SKI: variants seen among roughly 807,000 people sequenced by gnomAD.
The protein encoded by SKI is SKI proto-oncogene.
In SKI, 23 loss-of-function variants were observed where a neutral mutation model predicts 59.3. The ratio of observed to expected loss-of-function variants is 0.39; its 90% CI spans 0.28 to 0.55. The LOEUF (loss-of-function observed/expected upper bound fraction) is 0.55. Among genes scored for constraint, SKI ranks in the 20% least tolerant of loss-of-function variants. The probability of loss-of-function intolerance (pLI) is 0.67; values close to 1 mark genes in which losing one functional copy is unlikely to be tolerated. For synonymous variants in SKI, 673 were observed against 488.6 expected (o/e 1.38, Z -4.98); for missense variants, 1,017 against 1,038.9 (o/e 0.98, Z 0.29).
At chr1:2,305,123 C>T (rs921811204) in intron 5 of SKI, among the ~76,000 whole-genome samples, 9 of 152,194 alleles carry the variant, frequency 5.9e-5, no homozygotes, top group Non-Finnish European at 1.0e-4. Flanking sequence ...GGAGAGGGCT[C>T]GGCCCGCACA....
chr1:2,305,878 G>T, intron 5 of SKI, 142 bp from the exon 6 acceptor site: 1 of 734,724 alleles, frequency 1.4e-6, no homozygotes, highest in Non-Finnish European at 2.4e-6. Context: ...ACACGGGTTG[G>T]GCTGATGGCG....
intron 1 of SKI, among the ~76,000 whole-genome samples, chr1:2,295,687 C>T (rs1640268280): frequency 6.6e-6 from 1 of 152,014 alleles, no homozygotes; most frequent in African/African-American, 2.4e-5. Context: ...GTCCGGGTCA[C>T]ACGTGACTGT....
intron 1 of SKI, among the ~76,000 whole-genome samples, chr1:2,277,162 A>G (rs1197734344): frequency 6.6e-6 from 1 of 151,986 alleles, no homozygotes; most frequent in East Asian, 1.9e-4. Context: ...TTCTTTGGAG[A>G]TGGAGTCTCA....
At position 2,303,513 on chromosome 1, in the gene SKI, T is replaced by C; in HGVS notation, c.1211+113T>C. On this transcript the variant is annotated intron_variant, in intron 3 of 6. Transcript: ENST00000378536. This position sits in a 1 kb window ranked among gnomAD's most constrained non-coding sequence, Gnocchi z 5.6. ...CTGGGTGCCCAGACCTGCCGCCTTT[T>C]GGTCAGGGCAGTCTCGGTGTTGGTT... 5.3e-6 allele frequency: 5 copies of C among 943,700 alleles called. No homozygotes were observed. Among genetic ancestry groups the C allele is most frequent in the Non-Finnish European group, 8.2e-6 (5 of 609,058 alleles). The allele number at this position is 943,700 out of a possible 1,614,324, so 58.5% of individuals were successfully genotyped here. A position where few individuals can be genotyped will look rare whatever the true frequency, so the allele number is the denominator to read the frequency against.
intron 1 of SKI, among the ~76,000 whole-genome samples, chr1:2,230,949 GC>G (rs1449310583): frequency 1.3e-5 from 2 of 152,196 alleles, no homozygotes; most frequent in Non-Finnish European, 2.9e-5. Flanking sequence ...CTCGGAGGGG[GC>G]TGCGGAGGGT....
intron 1 of SKI, among the ~76,000 whole-genome samples, chr1:2,264,410 A>C (rs551261210): frequency 1.3e-5 from 2 of 152,074 alleles, no homozygotes; most frequent in South Asian, 4.2e-4. Flanking sequence ...TTGGGATTAC[A>C]GGCACCCGCC....
rs1433471561 is a variant in SKI at position 2,309,374 on chromosome 1, C to T, written c.*2609C>T. ...AGGGAAAAACAACAGCAATAACATT[C>T]ATATCTCTGGAGCAGCTAACTCATA... On this transcript the variant is annotated 3_prime_UTR_variant, in exon 7 of 7. Coordinates refer to ENST00000378536, the MANE Select transcript of SKI (RefSeq NM_003036.4). 1 of 152,058 alleles carries T rather than the reference C, an allele frequency of 6.6e-6. No individual in the cohort carries two copies. The highest frequency in any genetic ancestry group is 1.9e-4 in the East Asian group (1 of 5,196). 9.4% of individuals were successfully genotyped at this position (152,058 alleles called of 1,614,324 possible). A position where few individuals can be genotyped will look rare whatever the true frequency, so the allele number is the denominator to read the frequency against.
chr1:2,294,847 A>G (rs1640248222), intron 1 of SKI, among the ~76,000 whole-genome samples: 1 of 152,160 alleles, frequency 6.6e-6, no homozygotes, highest in Non-Finnish European at 1.5e-5. Flanking sequence ...ACAGCAGGGC[A>G]GGATCCACCC....
At chr1:2,259,199 G>A (rs1366793122) in intron 1 of SKI, among the ~76,000 whole-genome samples, 2 of 152,176 alleles carry the variant, frequency 1.3e-5, no homozygotes, top group Non-Finnish European at 2.9e-5. Context: ...CACCGCCCTC[G>A]CCGGTGCTGT....
chr1:2,272,244 C>T (rs2100856142), intron 1 of SKI, among the ~76,000 whole-genome samples: 1 of 152,368 alleles, frequency 6.6e-6, no homozygotes, highest in Non-Finnish European at 1.5e-5. Context: ...ACTGAAAGGT[C>T]TGAGCCTAGC....
Position 2,306,109 on chromosome 1 carries a change from C to A in SKI, c.1857C>A (p.Leu619=), listed in dbSNP as rs781772620. The A allele has an allele frequency of 6.3e-7, 1 of 1,599,626 alleles. No individual in the cohort carries two copies. ...ACCTGCGGAAGGAGATCGAGCGTCT[C>A]CGCGCCGAGAACGAGAAGAAGATGA... is the stretch of plus-strand genomic sequence containing the variant. The part of the protein sequence containing the change: ...KRNLRKEIER[L]RAENEKKMKE... Residue 619 remains leucine, a synonymous_variant, in exon 6 of 7, where the codon CTC becomes CTA. Transcript: ENST00000378536.
At chr1:2,284,276 A>C (rs1022539201) in intron 1 of SKI, among the ~76,000 whole-genome samples, 3 of 152,086 alleles carry the variant, frequency 2.0e-5, no homozygotes, top group African/African-American at 7.2e-5. Context: ...CCCTGGACCC[A>C]TGCTGCCGAG....
chr1:2,279,264 T>A (rs1414390056), intron 1 of SKI, among the ~76,000 whole-genome samples: 1 of 152,202 alleles, frequency 6.6e-6, no homozygotes, highest in Non-Finnish European at 1.5e-5. Flanking sequence ...CTAGACGCCC[T>A]GAGGAGGCAG....
rs1167594249 is a variant in SKI, at chr1:2,303,370, C to T, written c.1181C>T (p.Ser394Phe). 2.5e-6 allele frequency: 4 copies of T among 1,613,496 alleles called. No homozygotes were observed. Among genetic ancestry groups the T allele is most frequent in the Non-Finnish European group, 3.4e-6 (4 of 1,180,002 alleles). The change falls in exon 3 of 7, where the codon TCC becomes TTC. Residue 394 changes from serine to phenylalanine, a missense_variant. Physicochemically the swap from Ser to Phe is radical, Grantham distance 155. Coordinates refer to ENST00000378536, the MANE Select transcript of SKI (RefSeq NM_003036.4). This position sits in a 1 kb window ranked among gnomAD's most constrained non-coding sequence, Gnocchi z 5.6. Reference sequence around the variant, plus strand: ...GTGTCAGCGAGTGAGAAAGAGCTCTCCCCACACCTCCCGGCCCTCATCCGA... The same window carrying T: ...GTGTCAGCGAGTGAGAAAGAGCTCTTCCCACACCTCCCGGCCCTCATCCGA... The part of the protein sequence containing the change: ...PAVSASEKEL[S>F]PHLPALIRDS...
At chr1:2,295,255 G>A (rs969378867) in intron 1 of SKI, among the ~76,000 whole-genome samples, 5 of 152,220 alleles carry the variant, frequency 3.3e-5, no homozygotes, top group Non-Finnish European at 7.3e-5. Flanking sequence ...ATCCATGCCA[G>A]CCGAGCGCCC....
intron 1 of SKI, among the ~76,000 whole-genome samples, chr1:2,291,145 G>A (rs1035018296): frequency 7.2e-5 from 11 of 152,026 alleles, no homozygotes; most frequent in African/African-American, 2.4e-4. Flanking sequence ...GGATGCTCAT[G>A]CCAGCTTGCT....
intron 1 of SKI, among the ~76,000 whole-genome samples, chr1:2,290,400 C>T (rs1640135298): frequency 6.6e-6 from 1 of 152,176 alleles, no homozygotes; most frequent in Non-Finnish European, 1.5e-5. Context: ...GACACAGCCG[C>T]CACCCTGCAC....
At chr1:2,259,184 C>T (rs188433228) in intron 1 of SKI, among the ~76,000 whole-genome samples, 26 of 152,296 alleles carry the variant, frequency 1.7e-4, no homozygotes, top group Non-Finnish European at 3.2e-4. Flanking sequence ...TGCATGGCCA[C>T]GCCCCACCGC....
chr1:2,285,167 T>G (rs1054588853), intron 1 of SKI, among the ~76,000 whole-genome samples: 18 of 152,076 alleles, frequency 1.2e-4, no homozygotes, highest in African/African-American at 4.1e-4. Context: ...CCATCTGCCC[T>G]GACGTCAGCT....
Sources: allele counts gnomAD v4.1 joint callset (sites outside exome capture counted in the v4.1 genomes callset), GRCh38; gene constraint gnomAD v4.1.1; non-coding constraint Gnocchi (gnomAD v3.1); transcripts MANE v1.5; gene names NCBI Gene and HGNC (gene_info 2026-07-23, HGNC 2026-07-21).